Variants in TRIM44 observed in about 807,000 individuals in gnomAD.
TRIM44 encodes tripartite motif containing 44.
TRIM44 carries 13 observed loss-of-function variants against 37.4 expected under a neutral mutation model. The observed-to-expected ratio is 0.35, with a 90% CI of 0.23 to 0.55. The LOEUF is 0.55. Ranked by LOEUF, TRIM44 falls within the 20% of genes least tolerant of loss-of-function variation. The probability of loss-of-function intolerance (pLI) is 0.89; values close to 1 mark genes in which losing one functional copy is unlikely to be tolerated. For synonymous variants in TRIM44, 175 were observed against 157.2 expected (o/e 1.11, Z -0.85); for missense variants, 426 against 437.2 (o/e 0.97, Z 0.23).
intron 2 of TRIM44, 73 bp downstream of exon 2, chr11:35,685,409 G>T: frequency 7.8e-7 from 1 of 1,275,748 alleles, no homozygotes; most frequent in Admixed American, 1.7e-5. Context: ...AAATTGTGAG[G>T]TGTTGATGAT....
At chr11:35,718,345 A>T (rs1257320323) in intron 2 of TRIM44, among the ~76,000 whole-genome samples, 1 of 152,180 alleles carries the variant, frequency 6.6e-6, no homozygotes, top group African/African-American at 2.4e-5. Flanking sequence ...TTTTAATTGT[A>T]TTAGGTTGGT....
Position 35,815,538 on chromosome 11 carries a change from TTCTGA to T in TRIM44, c.*9157_*9161del, listed in dbSNP as rs373276772. On this transcript the variant is annotated 3_prime_UTR_variant, in exon 5 of 5. Coordinates refer to ENST00000299413, the MANE Select transcript of TRIM44 (RefSeq NM_017583.6). ...AATTTCCCATTTGATAACAAGTAGG[TTCTGA>T]TCTATTTTCCCCAAATTAATATTTT... 2.9e-3 allele frequency: 438 copies of T among 152,262 alleles called. 1 individual carries two copies. The highest frequency in any genetic ancestry group is 9.7e-3 in the African/African-American group (402 of 41,548). 9.4% of individuals were successfully genotyped at this position (152,262 alleles called of 1,614,324 possible).
chr11:35,778,279 G>C (rs898354679), intron 4 of TRIM44, among the ~76,000 whole-genome samples: 2 of 152,132 alleles, frequency 1.3e-5, no homozygotes, highest in African/African-American at 4.8e-5. Flanking sequence ...TTGTCACGTA[G>C]TTTTCGTGCC....
intron 4 of TRIM44, among the ~76,000 whole-genome samples, chr11:35,761,410 T>TAG (rs987270218): frequency 1.3e-5 from 2 of 151,186 alleles, no homozygotes; most frequent in African/African-American, 4.9e-5. Context: ...TCTCTCTATA[T>TAG]ATATATGTGA....
chr11:35,778,862 G>T (rs919355911), intron 4 of TRIM44, among the ~76,000 whole-genome samples: 3 of 152,156 alleles, frequency 2.0e-5, no homozygotes, highest in African/African-American at 4.8e-5. Context: ...CCCCCTATTG[G>T]GAGTTCTCTA....
chr11:35,704,430 G>A (rs867607625), intron 2 of TRIM44, among the ~76,000 whole-genome samples: 76 of 152,208 alleles, frequency 5.0e-4, no homozygotes, highest in Middle Eastern at 6.8e-3. Flanking sequence ...GATACTCCTC[G>A]AGAAGAGCAA....
chr11:35,750,285 G>A (rs1004667829), intron 4 of TRIM44, among the ~76,000 whole-genome samples: 2 of 152,162 alleles, frequency 1.3e-5, no homozygotes, highest in Non-Finnish European at 2.9e-5. Context: ...CCACATTTGA[G>A]GGGCATATAT....
rs145633788 is a variant in TRIM44, at chr11:35,795,145, A to C, written c.1008-11213A>C. On this transcript the variant is annotated intron_variant, in intron 4 of 4. Coordinates refer to ENST00000299413, the MANE Select transcript of TRIM44 (RefSeq NM_017583.6). Reference sequence around the variant, plus strand: ...ATCAGCTTACTTGGGGAACAGAAAGAAAGCCAGCGTGGCTGGAAGGTGGCA... The same window carrying C: ...ATCAGCTTACTTGGGGAACAGAAAGCAAGCCAGCGTGGCTGGAAGGTGGCA... Among the ~76,000 whole-genome samples, 506 of 152,254 alleles carry C rather than the reference A, an allele frequency of 3.3e-3. 1 individual carries two copies. The highest frequency in any genetic ancestry group is 3.7e-3 in the Non-Finnish European group (255 of 68,006).
chr11:35,673,374 A>C (rs1430639874), intron 1 of TRIM44, among the ~76,000 whole-genome samples: 2 of 152,204 alleles, frequency 1.3e-5, no homozygotes, highest in African/African-American at 2.4e-5. Flanking sequence ...TGGCAGAGAC[A>C]ATTGGTTTGG....
intron 4 of TRIM44, among the ~76,000 whole-genome samples, chr11:35,782,364 A>G (rs1373806120): frequency 6.6e-6 from 1 of 152,198 alleles, no homozygotes; most frequent in Admixed American, 6.5e-5. Context: ...AATTCTCCAG[A>G]GTACTTACTC....
intron 1 of TRIM44, 120 bp downstream of exon 1, chr11:35,663,900 C>T (rs1851305549): frequency 1.6e-6 from 2 of 1,219,250 alleles, no homozygotes; most frequent in Non-Finnish European, 2.3e-6. Context: ...GTCTTTCCAA[C>T]TTTTTGGGAG....
intron 2 of TRIM44, among the ~76,000 whole-genome samples, chr11:35,694,005 G>A: frequency 6.6e-6 from 1 of 152,142 alleles, no homozygotes; most frequent in East Asian, 1.9e-4. Flanking sequence ...ATCAAAGAAT[G>A]AGCTAACCAG....
In TRIM44 at chr11:35,816,764, A is replaced by G. The variant is rs1223481973; in HGVS notation, c.*10379A>G. 1.3e-5 allele frequency: 2 copies of G among 152,208 alleles called. No homozygotes were observed. The highest frequency in any genetic ancestry group is 6.5e-5 in the Admixed American group (1 of 15,280). 9.4% of individuals were successfully genotyped at this position (152,208 alleles called of 1,614,324 possible). A position where few individuals can be genotyped will look rare whatever the true frequency, so the allele number is the denominator to read the frequency against. On this transcript the variant is annotated 3_prime_UTR_variant, in exon 5 of 5. Coordinates refer to ENST00000299413, the MANE Select transcript of TRIM44 (RefSeq NM_017583.6). ...TTCTTTACTAACTCTGAACAATTAA[A>G]TGAGCAGATGGTCTACAGGGCTTAG... is the stretch of plus-strand genomic sequence containing the variant.
intron 4 of TRIM44, among the ~76,000 whole-genome samples, chr11:35,803,218 A>G (rs370709916): frequency 2.4e-4 from 37 of 151,714 alleles, no homozygotes; most frequent in East Asian, 7.8e-4. Flanking sequence ...TGCCTCTCTC[A>G]TTGGTAAGTA....
At chr11:35,730,076 T>G (rs1222023917) in intron 3 of TRIM44, among the ~76,000 whole-genome samples, 3 of 152,210 alleles carry the variant, frequency 2.0e-5, no homozygotes, top group Non-Finnish European at 2.9e-5. Context: ...AAGACAAAGA[T>G]TTTAACCTGC....
Position 35,663,107 on chromosome 11 carries a change from C to T in TRIM44, c.-5C>T, listed in dbSNP as rs1015417588. On this transcript the variant is annotated 5_prime_UTR_variant, in exon 1 of 5. Transcript: ENST00000299413. ...CCGAGGCCTTGGCCGCGTCACAGCA[C>T]CCACATGGCCTCTGGAGTGGGCGCG... 5.3e-6 allele frequency: 8 copies of T among 1,504,144 alleles called. No individual in the cohort carries two copies. Among genetic ancestry groups the T allele is most frequent in the Non-Finnish European group, 7.1e-6 (8 of 1,131,818 alleles). The allele number at this position is 1,504,144 out of a possible 1,614,324, so 93.2% of individuals were successfully genotyped here.
chr11:35,749,990 T>A (rs1852540999), intron 4 of TRIM44, among the ~76,000 whole-genome samples: 1 of 152,190 alleles, frequency 6.6e-6, no homozygotes, highest in Non-Finnish European at 1.5e-5. Flanking sequence ...TTGGAATAAT[T>A]CTTACTCCTT....
chr11:35,785,423 G>T (rs1028972580), intron 4 of TRIM44, among the ~76,000 whole-genome samples: 1 of 152,222 alleles, frequency 6.6e-6, no homozygotes, highest in Non-Finnish European at 1.5e-5. Flanking sequence ...TGGATAGAAG[G>T]TGCCTTCTGC....
intron 4 of TRIM44, among the ~76,000 whole-genome samples, chr11:35,789,842 T>G (rs1853180952): frequency 6.6e-6 from 1 of 152,156 alleles, no homozygotes. Context: ...AAATACATCT[T>G]ATGACACTTG....
Sources: allele counts gnomAD v4.1 joint callset (sites outside exome capture counted in the v4.1 genomes callset), GRCh38; gene constraint gnomAD v4.1.1; transcripts MANE v1.5; gene names NCBI Gene and HGNC (gene_info 2026-07-23, HGNC 2026-07-21).